SEMA3E: variants seen among roughly 807,000 people sequenced by gnomAD.
SEMA3E encodes semaphorin-3E.
In SEMA3E, 49 loss-of-function variants were observed where a neutral mutation model predicts 93.6. That is an observed-to-expected ratio of 0.52 (90% confidence interval 0.42 to 0.66). The LOEUF (loss-of-function observed/expected upper bound fraction) is 0.66. SEMA3E is among the 30% of genes least tolerant of loss of function. The probability of loss-of-function intolerance (pLI) is 0.00; values close to 1 mark genes in which losing one functional copy is unlikely to be tolerated. For synonymous variants in SEMA3E, 363 were observed against 330.7 expected (o/e 1.10, Z -1.06); for missense variants, 906 against 964.8 (o/e 0.94, Z 0.81).
At chr7:83,527,623 G>A (rs770683041) in intron 1 of SEMA3E, among the ~76,000 whole-genome samples, 3 of 152,128 alleles carry the variant, frequency 2.0e-5, no homozygotes, top group Non-Finnish European at 4.4e-5. Flanking sequence ...GAAGCTGTAA[G>A]TGCAGATCAG....
At chr7:83,520,453 C>T (rs1278301292) in intron 1 of SEMA3E, among the ~76,000 whole-genome samples, 1 of 152,010 alleles carries the variant, frequency 6.6e-6, no homozygotes, top group Non-Finnish European at 1.5e-5. Flanking sequence ...CCAGTTTTTC[C>T]AACACCCTCT....
chr7:83,512,802 A>C (rs929388283), intron 1 of SEMA3E, among the ~76,000 whole-genome samples: 2 of 152,182 alleles, frequency 1.3e-5, no homozygotes, highest in Admixed American at 1.3e-4. Flanking sequence ...TGCAATAAAA[A>C]TAATACAATG....
chr7:83,572,953 C>T (rs1792317315), intron 1 of SEMA3E, among the ~76,000 whole-genome samples: 1 of 152,008 alleles, frequency 6.6e-6, no homozygotes, highest in African/African-American at 2.4e-5. Flanking sequence ...CACGGAAATA[C>T]CCTTCTTGAT....
rs10227052 is a variant in SEMA3E at position 83,481,200 on chromosome 7, G to T, written c.276+8914C>A. On this transcript the variant is annotated intron_variant, in intron 2 of 16. Coordinates refer to ENST00000643230, the MANE Select transcript of SEMA3E (RefSeq NM_012431.3). ...TCAATCAAGCGAAAAATGTCTACGAGGATGTTTTGTTTTTCCCTTTCCAAG... is the reference window on the plus strand; with the variant it reads ...TCAATCAAGCGAAAAATGTCTACGATGATGTTTTGTTTTTCCCTTTCCAAG... 7.0e-3 allele frequency among the ~76,000 whole-genome samples: 1,064 copies of T among 152,040 alleles called. 11 individuals carry two copies. The highest frequency in any genetic ancestry group is 0.024 in the African/African-American group (1,008 of 41,482).
At position 83,367,886 on chromosome 7, in the gene SEMA3E, C is replaced by T; in HGVS notation, c.2028G>A (p.Glu676=). The T allele has an allele frequency of 6.2e-7, 1 of 1,610,882 alleles. No individual in the cohort carries two copies. Among genetic ancestry groups the T allele is most frequent in the Non-Finnish European group, 8.5e-7 (1 of 1,177,814 alleles). Residue 676 remains glutamate (E), a synonymous_variant, in exon 17 of 17, where the codon GAG becomes GAA. Transcript: ENST00000643230. The part of the protein sequence containing the change: ...RKITLEVVEE[E]KVEDMFNKDD... ...CCTTGTTAAACATATCCTCGACTTTCTCCTCTTCCACTACCTCCAAGGTGA... is the reference window on the plus strand; with the variant it reads ...CCTTGTTAAACATATCCTCGACTTTTTCCTCTTCCACTACCTCCAAGGTGA...
rs145565913 is a variant in SEMA3E, at chr7:83,588,719, A to T, written c.115+59709T>A. The stretch of plus-strand genomic sequence containing the variant: ...TTAATTTTGATCCTAAATGTTTTAA[A>T]TTGTAGTACATATTTACCTTGAATC... On this transcript the variant is annotated intron_variant, in intron 1 of 16. Transcript: ENST00000643230. Among the ~76,000 whole-genome samples the T allele has an allele frequency of 1.5e-3, 229 of 152,322 alleles. 2 individuals carry two copies. The highest frequency in any genetic ancestry group is 5.2e-3 in the African/African-American group (215 of 41,576).
chr7:83,554,733 T>C (rs1228047612), intron 1 of SEMA3E, among the ~76,000 whole-genome samples: 3 of 152,128 alleles, frequency 2.0e-5, no homozygotes, highest in Admixed American at 2.0e-4. Context: ...TCCCAGCACT[T>C]TGGGAGGCCG....
At chr7:83,588,707 T>A (rs775298766) in intron 1 of SEMA3E, among the ~76,000 whole-genome samples, 1 of 152,208 alleles carries the variant, frequency 6.6e-6, no homozygotes, top group Admixed American at 6.5e-5. Context: ...ATTTTGATCC[T>A]AAATGTTTTA....
intron 5 of SEMA3E, among the ~76,000 whole-genome samples, chr7:83,416,881 C>G (rs1788552288): frequency 6.6e-6 from 1 of 151,570 alleles, no homozygotes; most frequent in Non-Finnish European, 1.5e-5. Context: ...CCTGGCATCC[C>G]CCAAAAGTGT....
chr7:83,460,158 G>T (rs1247464135), intron 4 of SEMA3E, among the ~76,000 whole-genome samples: 3 of 152,166 alleles, frequency 2.0e-5, no homozygotes, highest in Non-Finnish European at 1.5e-5. Flanking sequence ...CCTCCCTTGG[G>T]AGATCAATTC....
intron 1 of SEMA3E, among the ~76,000 whole-genome samples, chr7:83,580,536 C>T (rs754402183): frequency 1.3e-5 from 2 of 151,968 alleles, no homozygotes; most frequent in Non-Finnish European, 2.9e-5. Flanking sequence ...ATGATCTTTG[C>T]TTGGTTGTAA....
At chr7:83,416,067 C>T (rs1226670748) in intron 5 of SEMA3E, among the ~76,000 whole-genome samples, 1 of 152,094 alleles carries the variant, frequency 6.6e-6, no homozygotes, top group Non-Finnish European at 1.5e-5. Context: ...TTCACTTCCT[C>T]TCTTTTAAAG....
chr7:83,516,853 AG>A, intron 1 of SEMA3E, among the ~76,000 whole-genome samples: 1 of 151,654 alleles, frequency 6.6e-6, no homozygotes, highest in Non-Finnish European at 1.5e-5. Flanking sequence ...AGTACCTTCC[AG>A]GGAAACTACA....
chr7:83,595,781 G>A (rs889860421), intron 1 of SEMA3E, among the ~76,000 whole-genome samples: 4 of 151,912 alleles, frequency 2.6e-5, no homozygotes, highest in Admixed American at 6.6e-5. Flanking sequence ...GGTACATCAC[G>A]GTAGGAAGTT....
intron 16 of SEMA3E, among the ~76,000 whole-genome samples, chr7:83,371,158 A>C (rs1045800573): frequency 6.6e-5 from 10 of 152,218 alleles, no homozygotes; most frequent in African/African-American, 2.4e-4. Flanking sequence ...TGAAAGATCA[A>C]TCTCAGTGTT....
intron 1 of SEMA3E, among the ~76,000 whole-genome samples, chr7:83,499,885 G>A (rs1263644347): frequency 6.6e-6 from 1 of 152,058 alleles, no homozygotes; most frequent in African/African-American, 2.4e-5. Context: ...TGGGCAAGGG[G>A]CATTCTCAGT....
chr7:83,389,575 G>A, intron 14 of SEMA3E, among the ~76,000 whole-genome samples: 1 of 151,238 alleles, frequency 6.6e-6, no homozygotes. Context: ...CTTTATTTCA[G>A]TATACATATA....
chr7:83,597,951 G>T (rs1792911199), intron 1 of SEMA3E, among the ~76,000 whole-genome samples: 1 of 152,126 alleles, frequency 6.6e-6, no homozygotes, highest in Non-Finnish European at 1.5e-5. Flanking sequence ...AAATAATTTA[G>T]ATTAGAAAAA....
In SEMA3E at chr7:83,506,578, G is replaced by A. The variant is rs185233858; in HGVS notation, c.116-16304C>T. 1.6e-3 allele frequency among the ~76,000 whole-genome samples: 236 copies of A among 151,866 alleles called. 1 individual carries two copies. The highest frequency in any genetic ancestry group is 6.1e-3 in the Admixed American group (93 of 15,244). The stretch of plus-strand genomic sequence containing the variant: ...CAGCATGGTTAAAAAAACATAAGGG[G>A]CAAGAAATATATTGATAATTGTATA... On this transcript the variant is annotated intron_variant, in intron 1 of 16. Transcript: ENST00000643230.
Sources: gnomAD v4.1 joint callset for allele counts (sites outside exome capture counted in the v4.1 genomes callset) on GRCh38, gnomAD v4.1.1 for gene constraint, MANE v1.5 for transcripts, NCBI Gene and HGNC (gene_info 2026-07-23, HGNC 2026-07-21) for gene names.